Variants in MRPS28 observed in about 807,000 individuals in gnomAD.
The protein encoded by MRPS28 is mitochondrial ribosomal protein S28, also known as small ribosomal subunit protein bS1m.
Under a neutral mutation model 10.8 loss-of-function variants are expected in MRPS28, and 7 were observed. The observed-to-expected ratio is 0.65, with a 90% CI of 0.37 to 1.22. The LOEUF (loss-of-function observed/expected upper bound fraction) is 1.22. MRPS28 is among the 50% of genes most tolerant of loss of function. MRPS28 has a pLI of 0.02. For missense variants in MRPS28, 265 were observed against 232.9 expected (o/e 1.14, Z -0.90); for synonymous variants, 121 against 93.3 (o/e 1.30, Z -1.71).
intron 2 of MRPS28, among the ~76,000 whole-genome samples, chr8:79,932,058 A>G (rs1195627918): frequency 6.6e-6 from 1 of 152,210 alleles, no homozygotes; most frequent in African/African-American, 2.4e-5. Context: ...CTGGGGCTCC[A>G]GCCTACCAGT....
chr8:79,987,178 G>T (rs1330351996), intron 2 of MRPS28, among the ~76,000 whole-genome samples: 1 of 152,144 alleles, frequency 6.6e-6, no homozygotes, highest in Admixed American at 6.5e-5. Flanking sequence ...AATGGGGAAA[G>T]GATTCCCTAT....
Position 79,919,103 on chromosome 8 carries a change from A to G in MRPS28, c.441T>C (p.Leu147=). Residue 147 remains leucine, a synonymous_variant, in exon 3 of 3, where the codon CTT becomes CTC. Transcript: ENST00000276585. ...CTCCCAGGAACCTAGACGTAAGTTC[A>G]AGATCTAATAGCCGCAACCGGACCC... is the stretch of plus-strand genomic sequence containing the variant. ...GTRVRLRLLD[L]ELTSRFLGAT... 6.2e-7 allele frequency: 1 copy of G among 1,609,116 alleles called. No individual in the cohort carries two copies. The highest frequency in any genetic ancestry group is 8.5e-7 in the Non-Finnish European group (1 of 1,177,974).
intron 2 of MRPS28, among the ~76,000 whole-genome samples, chr8:79,968,234 T>G (rs534292258): frequency 6.6e-6 from 1 of 152,266 alleles, no homozygotes. Flanking sequence ...AGCTTCAATT[T>G]CCATAATTTC....
chr8:79,947,979 TTC>T (rs1422294688), intron 2 of MRPS28, among the ~76,000 whole-genome samples: 3 of 149,612 alleles, frequency 2.0e-5, no homozygotes, highest in Non-Finnish European at 4.4e-5. Flanking sequence ...TGTTAAATTT[TTC>T]TTTTTTTCTT....
At chr8:80,019,360 T>G (rs1484164851) in intron 1 of MRPS28, among the ~76,000 whole-genome samples, 1 of 148,374 alleles carries the variant, frequency 6.7e-6, no homozygotes, top group East Asian at 2.0e-4. Context: ...AGAAAAAAAA[T>G]GTAATCCATC....
At chr8:79,973,668 C>T (rs1371010003) in intron 2 of MRPS28, among the ~76,000 whole-genome samples, 1 of 151,724 alleles carries the variant, frequency 6.6e-6, no homozygotes, top group Non-Finnish European at 1.5e-5. Flanking sequence ...AGTGTAAAGT[C>T]GAGATTAAAA....
At chr8:79,995,778 A>G (rs1808486936) in intron 2 of MRPS28, among the ~76,000 whole-genome samples, 1 of 152,174 alleles carries the variant, frequency 6.6e-6, no homozygotes, top group Non-Finnish European at 1.5e-5. Flanking sequence ...CACTTTACTC[A>G]CAGAAGAGGC....
chr8:79,983,807 C>A (rs1157169520), intron 2 of MRPS28, among the ~76,000 whole-genome samples: 1 of 152,140 alleles, frequency 6.6e-6, no homozygotes. Flanking sequence ...ATTGGTGTAC[C>A]TGAAAGTGAC....
rs186563384 is a variant in MRPS28, at chr8:79,984,031, C to T, written c.395+18968G>A. Among the ~76,000 whole-genome samples, 939 of 152,158 alleles carry T rather than the reference C, an allele frequency of 6.2e-3. 9 individuals carry two copies. The highest frequency in any genetic ancestry group is 7.9e-3 in the Non-Finnish European group (540 of 68,020). ...GTTAAGGGCAGCCAGACAGAAAGGTCGGGTTACCCACAAAGGGAAGGCCAT... is the reference window on the plus strand; with the variant it reads ...GTTAAGGGCAGCCAGACAGAAAGGTTGGGTTACCCACAAAGGGAAGGCCAT... On this transcript the variant is annotated intron_variant, in intron 2 of 2. Coordinates refer to ENST00000276585, the MANE Select transcript of MRPS28 (RefSeq NM_014018.3).
At chr8:79,984,481 A>C (rs1425520350) in intron 2 of MRPS28, among the ~76,000 whole-genome samples, 2 of 152,232 alleles carry the variant, frequency 1.3e-5, no homozygotes, top group Non-Finnish European at 2.9e-5. Flanking sequence ...CAGACTGGCA[A>C]ATTGGATAAA....
At chr8:79,940,212 T>C (rs1806730813) in intron 2 of MRPS28, among the ~76,000 whole-genome samples, 1 of 152,170 alleles carries the variant, frequency 6.6e-6, no homozygotes, top group African/African-American at 2.4e-5. Context: ...ACAGGTTTCA[T>C]GGCCACTGCT....
chr8:79,975,380 CAAAA>C (rs1807767611), intron 2 of MRPS28, among the ~76,000 whole-genome samples: 1 of 152,026 alleles, frequency 6.6e-6, no homozygotes, highest in Non-Finnish European at 1.5e-5. Flanking sequence ...TTTACAAAGG[CAAAA>C]GCCTTTGTAA....
intron 2 of MRPS28, among the ~76,000 whole-genome samples, chr8:80,002,213 T>C (rs1808677974): frequency 6.6e-6 from 1 of 152,164 alleles, no homozygotes; most frequent in Non-Finnish European, 1.5e-5. Context: ...CCAATTTTTA[T>C]ATGCCAAAAA....
intron 2 of MRPS28, among the ~76,000 whole-genome samples, chr8:79,968,122 A>C (rs1807545140): frequency 6.6e-6 from 1 of 152,082 alleles, no homozygotes; most frequent in Non-Finnish European, 1.5e-5. Flanking sequence ...TTCATCAACA[A>C]TACCACGGTC....
chr8:80,001,426 A>C (rs191469878), intron 2 of MRPS28, among the ~76,000 whole-genome samples: 383 of 152,342 alleles, frequency 2.5e-3, no homozygotes, highest in Non-Finnish European at 4.0e-3. Context: ...CCTCCTTAAA[A>C]GGAATTCTTG....
intron 2 of MRPS28, among the ~76,000 whole-genome samples, chr8:79,942,004 G>A (rs535386577): frequency 6.6e-6 from 1 of 152,282 alleles, no homozygotes; most frequent in Non-Finnish European, 1.5e-5. Flanking sequence ...GATGGTAAGG[G>A]AATTTGTTGA....
In MRPS28 at chr8:79,987,157, C is replaced by G. The variant is rs377622628; in HGVS notation, c.395+15842G>C. Among the ~76,000 whole-genome samples, 30 of 145,596 alleles carry G rather than the reference C, an allele frequency of 2.1e-4. No homozygotes were observed. In the East Asian group the frequency reaches 3.3e-3, roughly 16 times the overall value. On this transcript the variant is annotated intron_variant, in intron 2 of 2. Transcript: ENST00000276585. ...ACTATCTGATCTTTGACAAACCTGA[C>G]AAAAACAAGCAATGGGGAAAGGATT...
chr8:80,015,176 T>C (rs1408165004), intron 1 of MRPS28, among the ~76,000 whole-genome samples: 1 of 152,206 alleles, frequency 6.6e-6, no homozygotes, highest in African/African-American at 2.4e-5. Context: ...ACAGTGAATA[T>C]AGGAGAAAAA....
chr8:79,972,704 C>T (rs991243981), intron 2 of MRPS28, among the ~76,000 whole-genome samples: 6 of 152,138 alleles, frequency 3.9e-5, no homozygotes, highest in African/African-American at 9.7e-5. Flanking sequence ...TATTGACACA[C>T]GTTTTTTAAA....
Sources: allele counts gnomAD v4.1 joint callset (sites outside exome capture counted in the v4.1 genomes callset), GRCh38; gene constraint gnomAD v4.1.1; transcripts MANE v1.5; gene names NCBI Gene and HGNC (gene_info 2026-07-23, HGNC 2026-07-21).